Variants in TNMD observed in about 807,000 individuals in gnomAD.
TNMD encodes tenomodulin.
In TNMD, 15 loss-of-function variants were observed where a neutral mutation model predicts 26.9. The ratio of observed to expected loss-of-function variants is 0.56; its 90% CI spans 0.37 to 0.86. TNMD has a LOEUF of 0.86. TNMD is among the 40% of genes least tolerant of loss of function. The probability of loss-of-function intolerance (pLI) is 0.00; values close to 1 mark genes in which losing one functional copy is unlikely to be tolerated. For synonymous variants in TNMD, 73 were observed against 77.0 expected (o/e 0.95, Z 0.27); for missense variants, 222 against 242.6 (o/e 0.92, Z 0.56).
intron 2 of TNMD, chrX:100,593,595 G>A (rs971699931): frequency 5.5e-6 from 1 of 183,429 alleles, no homozygotes; most frequent in East Asian, 1.3e-4. Flanking sequence ...GGGGGGGGTC[G>A]TGATTACTTA....
chrX:100,599,586 T>C lies in TNMD; in HGVS notation c.823T>C (p.Tyr275His). 2 of 1,210,994 alleles carry C rather than the reference T, an allele frequency of 1.7e-6. No homozygotes were observed. Among genetic ancestry groups the C allele is most frequent in the South Asian group, 3.5e-5 (2 of 56,796 alleles). The change falls in exon 7 of 7, where the codon TAT becomes CAT. Residue 275 changes from tyrosine (Y) to histidine (H), a missense_variant. By Grantham distance (83) the Tyr-to-His change is moderately conservative. Coordinates refer to ENST00000373031, the MANE Select transcript of TNMD (RefSeq NM_022144.3). ...TATTTACTGCCGTCGAGGCAACCGC[T>C]ATTGCCGCCGCGTCTGTGAACCTTT... ...CCIYCRRGNR[Y>H]CRRVCEPLLG... is the part of the protein sequence containing the mutation.
intron 6 of TNMD, 121 bp from the exon 7 acceptor site, chrX:100,599,387 G>A (rs2082962373): frequency 7.2e-6 from 5 of 693,106 alleles, no homozygotes; most frequent in Non-Finnish European, 1.1e-5. Flanking sequence ...ATCAGGCTAA[G>A]GAGCTTAATT....
chrX:100,595,683 G>A (rs1467105220), intron 4 of TNMD, among the ~76,000 whole-genome samples: 1 of 110,066 alleles, frequency 9.1e-6, no homozygotes, highest in Non-Finnish European at 1.9e-5. Flanking sequence ...TGGTCTCCTC[G>A]GGGCCAGAGG....
chrX:100,588,149 C>A (rs1759809580), intron 2 of TNMD, among the ~76,000 whole-genome samples: 1 of 111,611 alleles, frequency 9.0e-6, no homozygotes. Flanking sequence ...CATTTCCATG[C>A]CAATAAGTCC....
rs184986614 is a variant in TNMD at position 100,594,914 on chromosome X, G to T, written c.423+552G>T. On this transcript the variant is annotated intron_variant, in intron 4 of 6. Transcript: ENST00000373031. ...CAGTAGGAAAGGCAAAAGCAAAGAAGGTGAACACTGCAATGGGATACAAAT... is the reference window on the plus strand; with the variant it reads ...CAGTAGGAAAGGCAAAAGCAAAGAATGTGAACACTGCAATGGGATACAAAT... Among the ~76,000 whole-genome samples the T allele has an allele frequency of 2.3e-3, 260 of 111,865 alleles. 1 individual carries two copies. The highest frequency in any genetic ancestry group is 8.3e-3 in the African/African-American group (254 of 30,778).
At chrX:100,596,541 A>G (rs2082953507) in intron 4 of TNMD, among the ~76,000 whole-genome samples, 1 of 111,179 alleles carries the variant, frequency 9.0e-6, no homozygotes, top group African/African-American at 3.3e-5. Context: ...GTGGTCCTGA[A>G]TGACAAAAAC....
At chrX:100,590,611 G>C (rs7060407) in intron 2 of TNMD, among the ~76,000 whole-genome samples, 20,889 of 111,220 alleles carry the variant, frequency 0.19, 1,693 homozygotes, top group South Asian at 0.34. Context: ...TGTCAGTGTG[G>C]TCTTCTTACA....
intron 2 of TNMD, among the ~76,000 whole-genome samples, chrX:100,589,306 G>A (rs1168508837): frequency 1.2e-4 from 13 of 106,101 alleles, no homozygotes; most frequent in African/African-American, 4.2e-4. Flanking sequence ...AGGAGTAGCC[G>A]GAATATTTTT....
At chrX:100,591,895 C>T (rs1220713409) in intron 2 of TNMD, among the ~76,000 whole-genome samples, 1 of 111,685 alleles carries the variant, frequency 9.0e-6, no homozygotes, top group Non-Finnish European at 1.9e-5. Flanking sequence ...AAGTGCATTG[C>T]CAACAGTGCA....
In TNMD at chrX:100,584,953, C is replaced by A; in HGVS notation, c.-66C>A. 1.8e-6 allele frequency: 2 copies of A among 1,083,282 alleles called. No homozygotes were observed. The highest frequency in any genetic ancestry group is 2.5e-6 in the Non-Finnish European group (2 of 801,211). 89.3% of individuals were successfully genotyped at this position (1,083,282 alleles called of 1,213,427 possible). A position where few individuals can be genotyped will look rare whatever the true frequency, so the allele number is the denominator to read the frequency against. ...CATCTGTTAGCCGACTCACTTGCAA[C>A]TCCACCTCAGCAGTGGTCTCTCAGT... On this transcript the variant is annotated 5_prime_UTR_variant, in exon 1 of 7. Coordinates refer to ENST00000373031, the MANE Select transcript of TNMD (RefSeq NM_022144.3).
At chrX:100,592,060 T>C (rs1281250703) in intron 2 of TNMD, among the ~76,000 whole-genome samples, 1 of 111,473 alleles carries the variant, frequency 9.0e-6, no homozygotes, top group Non-Finnish European at 1.9e-5. Context: ...CATTTTTCCA[T>C]ACAATAATCC....
intron 4 of TNMD, among the ~76,000 whole-genome samples, chrX:100,596,190 C>T (rs1393514657): frequency 1.8e-5 from 2 of 111,364 alleles, no homozygotes; most frequent in African/African-American, 6.5e-5. Flanking sequence ...CAAAATTAGC[C>T]GGGCATGGTG....
chrX:100,596,990 T>C (rs1336182406), intron 4 of TNMD, among the ~76,000 whole-genome samples: 1 of 112,249 alleles, frequency 8.9e-6, no homozygotes, highest in Non-Finnish European at 1.9e-5. Flanking sequence ...CTAGCTACCA[T>C]CAACAGGCAA....
At chrX:100,592,997 T>C (rs998668882) in intron 2 of TNMD, among the ~76,000 whole-genome samples, 4 of 112,387 alleles carry the variant, frequency 3.6e-5, no homozygotes, top group African/African-American at 1.3e-4. Context: ...TCCTTTATGC[T>C]TATTTGCTTC....
At chrX:100,586,815 G>A (rs1396480218) in intron 2 of TNMD, among the ~76,000 whole-genome samples, 1 of 111,464 alleles carries the variant, frequency 9.0e-6, no homozygotes, top group Non-Finnish European at 1.9e-5. Context: ...TAAAGCAATC[G>A]AGATCAGGAA....
intron 2 of TNMD, chrX:100,593,623 T>G: frequency 4.7e-6 from 1 of 210,812 alleles, no homozygotes; most frequent in East Asian, 9.6e-5. Flanking sequence ...GAAAGGGAAG[T>G]GGTAGCTTAA....
chrX:100,594,081 G>C (rs762788417), intron 3 of TNMD, 46 bp downstream of exon 3: 1 of 1,148,528 alleles, frequency 8.7e-7, no homozygotes, highest in South Asian at 2.1e-5. Flanking sequence ...TAAAATATTA[G>C]AGCAGTTGAG....
chrX:100,593,871 G>A, intron 2 of TNMD, 24 bp from the exon 3 acceptor site: 1 of 1,206,243 alleles, frequency 8.3e-7, no homozygotes, highest in Non-Finnish European at 1.1e-6. Flanking sequence ...GTATCTTAGA[G>A]ATTGTTTTCC....
At chrX:100,592,532 A>G (rs1185713633) in intron 2 of TNMD, among the ~76,000 whole-genome samples, 3 of 112,132 alleles carry the variant, frequency 2.7e-5, no homozygotes, top group Admixed American at 1.9e-4. Flanking sequence ...TATTCAACAA[A>G]TACTTAGGTT....
Sources: gnomAD v4.1 joint callset for allele counts (sites outside exome capture counted in the v4.1 genomes callset) on GRCh38, gnomAD v4.1.1 for gene constraint, MANE v1.5 for transcripts, NCBI Gene and HGNC (gene_info 2026-07-23, HGNC 2026-07-21) for gene names.